The following ELF1 variants were observed in gnomAD, a reference collection of about 807,000 sequenced individuals.
ELF1 encodes the protein E74 like ETS transcription factor 1, also known as ETS-related transcription factor Elf-1.
ELF1 carries 24 observed loss-of-function variants against 59.9 expected under a neutral mutation model. That is an observed-to-expected ratio of 0.40 (90% confidence interval 0.29 to 0.56). ELF1 has a LOEUF of 0.56. Ranked by LOEUF, ELF1 falls within the 20% of genes least tolerant of loss-of-function variation. ELF1 has a pLI of 0.44. For missense variants in ELF1, 627 were observed against 742.2 expected (o/e 0.84, Z 1.80); for synonymous variants, 248 against 266.2 (o/e 0.93, Z 0.67).
intron 1 of ELF1, among the ~76,000 whole-genome samples, chr13:41,018,179 C>A (rs574821050): frequency 6.6e-6 from 1 of 152,110 alleles, no homozygotes; most frequent in Non-Finnish European, 1.5e-5. Context: ...GGAATCACTG[C>A]ATATTCCAAT....
intron 1 of ELF1, among the ~76,000 whole-genome samples, chr13:41,025,424 T>C (rs947721418): frequency 2.6e-5 from 4 of 152,214 alleles, no homozygotes; most frequent in African/African-American, 4.8e-5. Context: ...AGACACTTTA[T>C]CCAGTCCAGT....
chr13:41,011,562 G>A (rs906263899), intron 1 of ELF1, among the ~76,000 whole-genome samples: 4 of 152,026 alleles, frequency 2.6e-5, no homozygotes, highest in Non-Finnish European at 5.9e-5. Context: ...TCCCACCTCA[G>A]CTCCCCAAGT....
chr13:40,967,924 T>C (rs1050896326), intron 2 of ELF1, among the ~76,000 whole-genome samples: 11 of 152,136 alleles, frequency 7.2e-5, no homozygotes, highest in African/African-American at 2.7e-4. Flanking sequence ...TTTGCTTTAT[T>C]TATTATTTCT....
intron 5 of ELF1, among the ~76,000 whole-genome samples, chr13:40,946,910 G>T (rs1008956669): frequency 1.3e-5 from 2 of 152,148 alleles, no homozygotes; most frequent in Non-Finnish European, 2.9e-5. Context: ...GGCTGCAGAG[G>T]CTGACGGCCC....
At chr13:41,037,320 C>T (rs1190980826) in intron 1 of ELF1, among the ~76,000 whole-genome samples, 4 of 152,088 alleles carry the variant, frequency 2.6e-5, no homozygotes, top group African/African-American at 9.7e-5. Context: ...ATCACCCAGT[C>T]AAGTAACAGA....
intron 2 of ELF1, among the ~76,000 whole-genome samples, chr13:40,973,609 G>A (rs910286899): frequency 6.6e-6 from 1 of 150,782 alleles, no homozygotes; most frequent in Admixed American, 6.6e-5. Flanking sequence ...ATTTTTTTAA[G>A]TTATTTTTAG....
At chr13:40,993,852 G>A (rs774385620) in intron 1 of ELF1, among the ~76,000 whole-genome samples, 12 of 151,788 alleles carry the variant, frequency 7.9e-5, no homozygotes, top group Admixed American at 2.6e-4. Context: ...TGCCCAGGAC[G>A]TTATCAAAAG....
At chr13:41,031,128 CAG>C (rs1329990241) in intron 1 of ELF1, among the ~76,000 whole-genome samples, 21 of 147,142 alleles carry the variant, frequency 1.4e-4, no homozygotes, top group African/African-American at 5.3e-4. Flanking sequence ...CATTGCTCTA[CAG>C]CCTGGGTGAA....
chr13:41,019,099 T>C, intron 1 of ELF1, 129 bp downstream of exon 1: 4 of 770,876 alleles, frequency 5.2e-6, no homozygotes, highest in Non-Finnish European at 6.3e-6. Flanking sequence ...GGCATGTGAC[T>C]GACCACACAC....
chr13:41,029,740 T>C (rs1220386655), intron 1 of ELF1, among the ~76,000 whole-genome samples: 1 of 152,178 alleles, frequency 6.6e-6, no homozygotes, highest in African/African-American at 2.4e-5. Context: ...CCAATGTGGG[T>C]GGGCACCATC....
At chr13:41,048,572 C>T (rs968381651) in intron 1 of ELF1, among the ~76,000 whole-genome samples, 4 of 151,992 alleles carry the variant, frequency 2.6e-5, no homozygotes, top group African/African-American at 9.7e-5. Context: ...CACCACCAAG[C>T]CCAGCTAATT....
At chr13:41,033,824 T>G (rs1336825585) in intron 1 of ELF1, among the ~76,000 whole-genome samples, 1 of 152,176 alleles carries the variant, frequency 6.6e-6, no homozygotes, top group Admixed American at 6.5e-5. Context: ...ACTATATGAT[T>G]CCATTTATAT....
chr13:41,043,608 G>A (rs1479055656), intron 1 of ELF1, among the ~76,000 whole-genome samples: 3 of 152,166 alleles, frequency 2.0e-5, no homozygotes, highest in Non-Finnish European at 4.4e-5. Flanking sequence ...AAGATCAGAT[G>A]GTTGTAGATG....
chr13:41,000,999 C>CA (rs1307503121), intron 1 of ELF1, among the ~76,000 whole-genome samples: 2 of 147,868 alleles, frequency 1.4e-5, no homozygotes, highest in Non-Finnish European at 3.0e-5. Context: ...TTTTCTGAGA[C>CA]AGAGTCTCAC....
intron 1 of ELF1, among the ~76,000 whole-genome samples, chr13:41,026,231 T>C (rs145942700): frequency 6.6e-6 from 1 of 152,266 alleles, no homozygotes; most frequent in Non-Finnish European, 1.5e-5. Flanking sequence ...GGTCTACTGG[T>C]GTGAGGCATG....
At chr13:41,043,755 T>C (rs928681618) in intron 1 of ELF1, among the ~76,000 whole-genome samples, 56 of 152,234 alleles carry the variant, frequency 3.7e-4, no homozygotes, top group Admixed American at 2.0e-3. Context: ...AGCTTTGTTC[T>C]TTTGGCTTAG....
At chr13:41,060,296 G>A (rs1216846339) in intron 1 of ELF1, among the ~76,000 whole-genome samples, 1 of 152,248 alleles carries the variant, frequency 6.6e-6, no homozygotes, top group Non-Finnish European at 1.5e-5. Flanking sequence ...CGGGCTCTGG[G>A]GCGCCCAGGG....
intron 1 of ELF1, among the ~76,000 whole-genome samples, chr13:41,015,448 G>A (rs759356390): frequency 6.6e-6 from 1 of 152,012 alleles, no homozygotes; most frequent in Non-Finnish European, 1.5e-5. Flanking sequence ...AGAGGCTATG[G>A]GCTTCAAAAT....
chr13:41,053,349 G>A (rs1039574261), intron 1 of ELF1, among the ~76,000 whole-genome samples: 24 of 149,986 alleles, frequency 1.6e-4, no homozygotes, highest in African/African-American at 4.7e-4. Flanking sequence ...CTGAGACTCC[G>A]TCTCAAAAAA....
Sources: gnomAD v4.1 joint callset for allele counts (sites outside exome capture counted in the v4.1 genomes callset) on GRCh38, gnomAD v4.1.1 for gene constraint, MANE v1.5 for transcripts, NCBI Gene and HGNC (gene_info 2026-07-23, HGNC 2026-07-21) for gene names.